The following ROBO1 variants were observed in gnomAD, a reference collection of about 807,000 sequenced individuals.
The protein encoded by ROBO1 is roundabout guidance receptor 1.
A neutral mutation model predicts 195.9 loss-of-function variants in ROBO1; 149 were observed. That is an observed-to-expected ratio of 0.76 (90% CI 0.67 to 0.87). The LOEUF is 0.87. Among genes scored for constraint, ROBO1 ranks in the 40% least tolerant of loss-of-function variants. The pLI is 0.00. For synonymous variants in ROBO1, 816 were observed against 733.2 expected (o/e 1.11, Z -1.82); for missense variants, 1,933 against 2,068.3 (o/e 0.93, Z 1.27).
At chr3:79,040,884 C>T (rs914381709) in intron 3 of ROBO1, among the ~76,000 whole-genome samples, 4 of 152,102 alleles carry the variant, frequency 2.6e-5, no homozygotes, top group Non-Finnish European at 5.9e-5. Context: ...AAATTCCAGA[C>T]ACTTTAGAAT....
intron 2 of ROBO1, among the ~76,000 whole-genome samples, chr3:79,169,555 T>C (rs1465223969): frequency 6.6e-6 from 1 of 152,166 alleles, no homozygotes; most frequent in Non-Finnish European, 1.5e-5. Context: ...TTAATCAATG[T>C]AAAATATAGT....
chr3:79,480,000 C>T (rs1393991322), intron 2 of ROBO1, among the ~76,000 whole-genome samples: 1 of 152,084 alleles, frequency 6.6e-6, no homozygotes, highest in Non-Finnish European at 1.5e-5. Context: ...TACTTTGACA[C>T]CAAAGTCTAA....
intron 2 of ROBO1, among the ~76,000 whole-genome samples, chr3:79,502,997 A>G (rs1413703466): frequency 6.6e-6 from 1 of 152,188 alleles, no homozygotes. Flanking sequence ...GGGTGGCACC[A>G]GATAAGAGAA....
intron 5 of ROBO1, among the ~76,000 whole-genome samples, chr3:78,727,685 T>C (rs992794459): frequency 6.6e-6 from 1 of 152,220 alleles, no homozygotes; most frequent in African/African-American, 2.4e-5. Context: ...GGTTTAATTA[T>C]ATTTCTGAAC....
At chr3:78,639,039 G>A (rs1159702107) in intron 22 of ROBO1, among the ~76,000 whole-genome samples, 2 of 152,058 alleles carry the variant, frequency 1.3e-5, no homozygotes, top group African/African-American at 4.8e-5. Flanking sequence ...CCAGCTACTT[G>A]GGAGGCTGAG....
chr3:79,337,758 A>G (rs773600062), intron 2 of ROBO1, among the ~76,000 whole-genome samples: 2 of 152,224 alleles, frequency 1.3e-5, no homozygotes, highest in Non-Finnish European at 2.9e-5. Context: ...ACAAAGCCTC[A>G]TGCTATGCTA....
At chr3:79,653,422 C>A (rs1218783551) in intron 1 of ROBO1, among the ~76,000 whole-genome samples, 2 of 151,858 alleles carry the variant, frequency 1.3e-5, no homozygotes, top group African/African-American at 4.8e-5. Context: ...ATTTCACTGC[C>A]TTTTACTTCG....
At chr3:79,467,615 C>T (rs1938035988) in intron 2 of ROBO1, among the ~76,000 whole-genome samples, 2 of 152,132 alleles carry the variant, frequency 1.3e-5, no homozygotes, top group South Asian at 4.2e-4. Flanking sequence ...ACTCCATACC[C>T]TTTTGGGCTC....
chr3:79,461,843 GA>G (rs1559916348), intron 2 of ROBO1, among the ~76,000 whole-genome samples: 1 of 152,004 alleles, frequency 6.6e-6, no homozygotes, highest in African/African-American at 2.4e-5. Flanking sequence ...GGCAAAATAG[GA>G]AATGTTTCCA....
chr3:79,382,221 C>T (rs776450289), intron 2 of ROBO1, among the ~76,000 whole-genome samples: 2 of 152,106 alleles, frequency 1.3e-5, no homozygotes, highest in Non-Finnish European at 2.9e-5. Flanking sequence ...AATTAAAACT[C>T]TCAAAAATAA....
intron 4 of ROBO1, among the ~76,000 whole-genome samples, chr3:78,882,929 C>T (rs1345455906): frequency 6.6e-6 from 1 of 151,568 alleles, no homozygotes; most frequent in Non-Finnish European, 1.5e-5. Context: ...GATCCTGCCT[C>T]AGCCTCCCAA....
At position 78,854,066 on chromosome 3, in the gene ROBO1, T is replaced by A. The variant is rs189084346; in HGVS notation, c.499+84535A>T. Among the ~76,000 whole-genome samples the A allele has an allele frequency of 4.1e-3, 625 of 152,064 alleles. 6 individuals are homozygous for A. Among genetic ancestry groups the A allele is most frequent in the African/African-American group, 0.014 (590 of 41,504 alleles). On this transcript the variant is annotated intron_variant, in intron 4 of 30. Transcript: ENST00000464233. ...ATATCAAACACCTTAAGAAAAAATG[T>A]TGAGGTTCTCTAAGGAAGAAATAAT...
At chr3:78,673,562 TTATATATATATATATATATATA>T (rs1166250669) in intron 10 of ROBO1, among the ~76,000 whole-genome samples, 957 of 63,392 alleles carry the variant, frequency 0.015, 40 homozygotes, top group African/African-American at 0.045. Flanking sequence ...TACATATATT[TTATATATATATATATATATATA>T]TATATATATA....
chr3:79,613,178 A>G (rs913646598), intron 1 of ROBO1, among the ~76,000 whole-genome samples: 1 of 151,968 alleles, frequency 6.6e-6, no homozygotes, highest in Admixed American at 6.6e-5. Context: ...AGGAACAAAT[A>G]GTTTTTTCAT....
chr3:79,766,514 C>A (rs1559567621), intron 1 of ROBO1, among the ~76,000 whole-genome samples: 1 of 151,836 alleles, frequency 6.6e-6, no homozygotes, highest in Admixed American at 6.6e-5. Flanking sequence ...GCCCTCCACG[C>A]GGTCCTCCGA....
At chr3:79,612,757 G>T (rs1175591515) in intron 1 of ROBO1, among the ~76,000 whole-genome samples, 6 of 99,326 alleles carry the variant, frequency 6.0e-5, no homozygotes, top group African/African-American at 2.9e-4. Context: ...TTGTGGTTTT[G>T]ATTTGCATTT....
At chr3:79,050,287 A>G (rs963342849) in intron 3 of ROBO1, among the ~76,000 whole-genome samples, 6 of 152,304 alleles carry the variant, frequency 3.9e-5, no homozygotes, top group Admixed American at 2.0e-4. Flanking sequence ...AACAAAGATC[A>G]AAAGAGACAA....
At chr3:78,819,338 A>T (rs562787891) in intron 4 of ROBO1, among the ~76,000 whole-genome samples, 1 of 151,838 alleles carries the variant, frequency 6.6e-6, no homozygotes, top group South Asian at 2.1e-4. Flanking sequence ...CTTCATTTCT[A>T]ACTTGTGTCC....
intron 1 of ROBO1, among the ~76,000 whole-genome samples, chr3:79,591,674 G>A (rs898106652): frequency 1.3e-5 from 2 of 151,742 alleles, no homozygotes; most frequent in African/African-American, 2.4e-5. Context: ...TTATTAGTTT[G>A]TCCAAAAGCT....
Sources: gnomAD v4.1 joint callset for allele counts (sites outside exome capture counted in the v4.1 genomes callset) on GRCh38, gnomAD v4.1.1 for gene constraint, MANE v1.5 for transcripts, NCBI Gene and HGNC (gene_info 2026-07-23, HGNC 2026-07-21) for gene names.